Variants in IPCEF1 observed in about 807,000 individuals in gnomAD.
The protein encoded by IPCEF1 is interactor protein for cytohesin exchange factors 1.
A neutral mutation model predicts 50.9 loss-of-function variants in IPCEF1; 31 were observed. That is an observed-to-expected ratio of 0.61 (90% CI 0.46 to 0.82). The LOEUF is 0.82. Ranked by LOEUF, IPCEF1 falls within the 40% of genes least tolerant of loss-of-function variation. IPCEF1 has a pLI of 0.00. For synonymous variants in IPCEF1, 181 were observed against 192.0 expected (o/e 0.94, Z 0.47); for missense variants, 458 against 514.0 (o/e 0.89, Z 1.05).
intron 9 of IPCEF1, among the ~76,000 whole-genome samples, chr6:154,200,361 C>A (rs1026146438): frequency 2.0e-5 from 3 of 152,180 alleles, no homozygotes; most frequent in African/African-American, 7.2e-5. Context: ...CTGCATTACA[C>A]TTTGAGCAAA....
At position 154,213,037 on chromosome 6, in the gene IPCEF1, G is replaced by C. The variant is rs931794007; in HGVS notation, c.452-182C>G. ...AATTACATAAGAGGCAGAAACAAAT[G>C]GCCAATTCGGGGCTCCTGACCTCAA... On this transcript the variant is annotated intron_variant, in intron 8 of 11. Transcript: ENST00000367220. The C allele has an allele frequency of 2.6e-5, 15 of 570,360 alleles. No individual in the cohort carries two copies. The African/African-American group carries it at 2.8e-4, about 11-fold the overall frequency. The allele number at this position is 570,360 out of a possible 1,614,324, so 35.3% of individuals were successfully genotyped here.
At chr6:154,227,643 G>A (rs115091447) in intron 5 of IPCEF1, among the ~76,000 whole-genome samples, 4,736 of 152,168 alleles carry the variant, frequency 0.031, 251 homozygotes, top group African/African-American at 0.11. Flanking sequence ...ACCTGAGCCC[G>A]GAGGTCGAGG....
rs41292898 is a variant in IPCEF1 at position 154,160,250 on chromosome 6, G to C, written c.1105-210C>G. On this transcript the variant is annotated intron_variant, in intron 11 of 11. Transcript: ENST00000367220. ...CAAAGAAGTGAAGTATCCTACCCAA[G>C]AGTTAGTGGAAGAGCTAGACATATA... Among the ~76,000 whole-genome samples the C allele has an allele frequency of 2.1e-3, 321 of 152,302 alleles. 1 individual carries two copies. Among genetic ancestry groups the C allele is most frequent in the Non-Finnish European group, 2.7e-3 (183 of 68,022 alleles).
chr6:154,160,550 T>G (rs907010871), intron 11 of IPCEF1, among the ~76,000 whole-genome samples: 1 of 152,222 alleles, frequency 6.6e-6, no homozygotes, highest in African/African-American at 2.4e-5. Context: ...CAGATTATCT[T>G]TTCAGTCAAA....
chr6:154,202,868 A>T (rs1286590951), intron 9 of IPCEF1, among the ~76,000 whole-genome samples: 8 of 152,220 alleles, frequency 5.3e-5, no homozygotes, highest in Non-Finnish European at 1.5e-5. Flanking sequence ...AGGGAAAAAA[A>T]GAAATAGAAG....
At chr6:154,306,473 G>A (rs1376216053) in intron 1 of IPCEF1, among the ~76,000 whole-genome samples, 2 of 152,192 alleles carry the variant, frequency 1.3e-5, no homozygotes, top group African/African-American at 4.8e-5. Flanking sequence ...CTGCGTTCAA[G>A]GTATCCTCCT....
At chr6:154,329,744 C>G (rs1042740239) in intron 1 of IPCEF1, among the ~76,000 whole-genome samples, 20 of 151,706 alleles carry the variant, frequency 1.3e-4, no homozygotes, top group Non-Finnish European at 2.1e-4. Flanking sequence ...CACCAATTCT[C>G]TACTCATTTT....
At chr6:154,167,050 C>A (rs1204308094) in intron 11 of IPCEF1, among the ~76,000 whole-genome samples, 2 of 152,166 alleles carry the variant, frequency 1.3e-5, no homozygotes, top group Non-Finnish European at 2.9e-5. Flanking sequence ...ACTCAGCCTG[C>A]CTTTGTAGCC....
At chr6:154,189,946 A>T in intron 10 of IPCEF1, among the ~76,000 whole-genome samples, 1 of 151,150 alleles carries the variant, frequency 6.6e-6, no homozygotes, top group African/African-American at 2.5e-5. Context: ...TCAGTCTCAA[A>T]AAAAAAAGAA....
chr6:154,333,249 C>G (rs1296617886), intron 1 of IPCEF1, among the ~76,000 whole-genome samples: 1 of 151,038 alleles, frequency 6.6e-6, no homozygotes, highest in Admixed American at 6.6e-5. Context: ...GAGGGTGTTG[C>G]CAAAGGAGAT....
intron 2 of IPCEF1, among the ~76,000 whole-genome samples, chr6:154,271,000 A>G (rs1353078605): frequency 6.6e-6 from 1 of 151,852 alleles, no homozygotes; most frequent in East Asian, 1.9e-4. Flanking sequence ...CAAACAAACC[A>G]AAAAAACTCT....
At chr6:154,221,194 G>T in intron 7 of IPCEF1, 63 bp downstream of exon 7, 2 of 1,156,732 alleles carry the variant, frequency 1.7e-6, no homozygotes, top group Non-Finnish European at 2.6e-6. Context: ...TAGAATTCCA[G>T]TACCAGGCTA....
At chr6:154,219,733 CA>C (rs1778700863) in intron 7 of IPCEF1, among the ~76,000 whole-genome samples, 1 of 151,908 alleles carries the variant, frequency 6.6e-6, no homozygotes, top group South Asian at 2.1e-4. Context: ...TTAAGAAAAC[CA>C]AGGGGATAAA....
chr6:154,302,497 G>A (rs1782822058), intron 1 of IPCEF1, among the ~76,000 whole-genome samples: 1 of 151,958 alleles, frequency 6.6e-6, no homozygotes, highest in African/African-American at 2.4e-5. Flanking sequence ...AGTGGGGGAA[G>A]GGGGTTTTGC....
intron 10 of IPCEF1, among the ~76,000 whole-genome samples, chr6:154,193,055 A>C (rs1462064361): frequency 6.6e-6 from 1 of 152,226 alleles, no homozygotes; most frequent in Non-Finnish European, 1.5e-5. Flanking sequence ...TATACGAAGA[A>C]GGATACTTGC....
At chr6:154,203,260 G>C (rs973801704) in intron 9 of IPCEF1, among the ~76,000 whole-genome samples, 5 of 152,114 alleles carry the variant, frequency 3.3e-5, no homozygotes, top group Non-Finnish European at 5.9e-5. Context: ...ACCTTCGTGT[G>C]TCTGTTCAAA....
At chr6:154,223,319 G>C (rs548471826) in intron 5 of IPCEF1, 76 bp from the exon 6 acceptor site, 3 of 1,087,564 alleles carry the variant, frequency 2.8e-6, no homozygotes, top group Non-Finnish European at 4.1e-6. Context: ...CATATACATG[G>C]AATAGGGATG....
intron 9 of IPCEF1, among the ~76,000 whole-genome samples, chr6:154,200,589 C>T (rs994252967): frequency 1.3e-5 from 2 of 151,926 alleles, no homozygotes; most frequent in African/African-American, 4.8e-5. Flanking sequence ...GGCTTGGTGG[C>T]GCGCACCTGT....
intron 1 of IPCEF1, among the ~76,000 whole-genome samples, chr6:154,338,909 G>C (rs1344596212): frequency 1.3e-5 from 2 of 152,120 alleles, no homozygotes; most frequent in African/African-American, 4.8e-5. Flanking sequence ...CTGCACTCCA[G>C]CCCGAGTGAC....
Sources: gnomAD v4.1 joint callset for allele counts (sites outside exome capture counted in the v4.1 genomes callset) on GRCh38, gnomAD v4.1.1 for gene constraint, MANE v1.5 for transcripts, NCBI Gene and HGNC (gene_info 2026-07-23, HGNC 2026-07-21) for gene names.